DPYS: variants seen among roughly 807,000 people sequenced by gnomAD.
DPYS encodes dihydropyrimidinase, also known as dihydropyrimidine amidohydrolase.
Under a neutral mutation model 50.3 loss-of-function variants are expected in DPYS, and 39 were observed. The ratio of observed to expected loss-of-function variants is 0.78; its 90% confidence interval spans 0.60 to 1.01. The LOEUF (loss-of-function observed/expected upper bound fraction) is 1.01. Ranked by LOEUF, DPYS falls within the 50% of genes least tolerant of loss-of-function variation. The pLI, the probability that DPYS is intolerant of heterozygous loss-of-function variation, is 0.00. For synonymous variants in DPYS, 245 were observed against 250.7 expected, an observed-to-expected ratio of 0.98 and a Z score of 0.22; for missense variants, 659 against 680.9, an observed-to-expected ratio of 0.97 and a Z score of 0.36.
At chr8:104,382,533 T>C (rs76175689) in intron 8 of DPYS, among the ~76,000 whole-genome samples, 4,431 of 140,810 alleles carry the variant, frequency 0.031, 228 homozygotes, top group African/African-American at 0.11. Context: ...AGGTCCTTGG[T>C]CCCTGTTTTT....
intron 8 of DPYS, among the ~76,000 whole-genome samples, chr8:104,387,438 C>T (rs1225790177): frequency 3.9e-5 from 6 of 152,074 alleles, no homozygotes; most frequent in East Asian, 3.9e-4. Context: ...TTTGCCAGTC[C>T]GAGAGGAAGT....
At chr8:104,383,081 A>T (rs934231017) in intron 8 of DPYS, among the ~76,000 whole-genome samples, 11 of 151,972 alleles carry the variant, frequency 7.2e-5, no homozygotes, top group African/African-American at 2.7e-4. Flanking sequence ...TGTCCTCCTC[A>T]CTCAGAACAG....
chr8:104,385,321 A>G (rs1270916342), intron 8 of DPYS, among the ~76,000 whole-genome samples: 1 of 152,190 alleles, frequency 6.6e-6, no homozygotes, highest in Non-Finnish European at 1.5e-5. Flanking sequence ...TTTCTTGACT[A>G]TAGGACTTCT....
chr8:104,457,116 G>A (rs1192328723), intron 1 of DPYS, among the ~76,000 whole-genome samples: 2 of 152,126 alleles, frequency 1.3e-5, no homozygotes, highest in East Asian at 1.9e-4. Context: ...GAGACTAACA[G>A]CAATAACTAA....
intron 7 of DPYS, among the ~76,000 whole-genome samples, chr8:104,407,836 TAAAG>T (rs1369055265): frequency 1.3e-5 from 2 of 152,212 alleles, no homozygotes; most frequent in Non-Finnish European, 2.9e-5. Context: ...AATATTACCA[TAAAG>T]AAAGTTAGGT....
At chr8:104,381,889 CACAG>C (rs1229643882) in intron 8 of DPYS, among the ~76,000 whole-genome samples, 16 of 150,210 alleles carry the variant, frequency 1.1e-4, no homozygotes, top group African/African-American at 3.9e-4. Context: ...CACACATACA[CACAG>C]ACAAATAACA....
At chr8:104,413,111 G>A (rs13256669) in intron 7 of DPYS, among the ~76,000 whole-genome samples, 30,240 of 152,026 alleles carry the variant, frequency 0.2, 3,751 homozygotes, top group Non-Finnish European at 0.27. Flanking sequence ...TACAGTGTCT[G>A]AAATAGTGAA....
intron 3 of DPYS, among the ~76,000 whole-genome samples, chr8:104,445,869 C>A (rs550716045): frequency 2.6e-5 from 4 of 152,018 alleles, no homozygotes; most frequent in Non-Finnish European, 4.4e-5. Flanking sequence ...CACGGGGAAA[C>A]CCTGTCTCTA....
chr8:104,444,256 C>T lies in DPYS; in HGVS notation c.785G>A (p.Arg262Lys). ...KSAAKVIADA[R>K]RDGKVVYGEP... ...TTACATTCGAGAATTACCATCTCTC[C>T]TTGCATCCGCTATCACCTTAGCTGC... The change falls in exon 4 of 10, where the codon AGG (arginine) becomes AAG (lysine). Residue 262 changes from arginine (R) to lysine (K), a missense_variant. Arg to Lys is a conservative substitution (Grantham distance 26, BLOSUM62 2). Transcript: ENST00000351513. The T allele has an allele frequency of 6.2e-7, 1 of 1,614,208 alleles. No individual in the cohort carries two copies. The highest frequency in any genetic ancestry group is 1.3e-5 in the African/African-American group (1 of 75,062).
At position 104,393,903 on chromosome 8, in the gene DPYS, T is replaced by A. The variant is rs141339860; in HGVS notation, c.1236-912A>T. 2.4e-3 allele frequency among the ~76,000 whole-genome samples: 370 copies of A among 152,302 alleles called. 1 individual carries two copies. The highest frequency in any genetic ancestry group is 0.014 in the Middle Eastern group (4 of 294). On this transcript the variant is annotated intron_variant, in intron 7 of 9. Transcript: ENST00000351513. ...GATTTGTGAGATTTTGGTGCACCCA[T>A]CACCCAAACAGTGTACGCTGAACCC...
At chr8:104,462,550 GA>G (rs1207412245) in intron 1 of DPYS, among the ~76,000 whole-genome samples, 1 of 152,064 alleles carries the variant, frequency 6.6e-6, no homozygotes, top group Non-Finnish European at 1.5e-5. Flanking sequence ...AAGAAAAAAA[GA>G]AAAATGTGTT....
intron 7 of DPYS, chr8:104,419,425 A>C (rs547027976): frequency 1.3e-5 from 2 of 152,276 alleles, no homozygotes; most frequent in African/African-American, 4.8e-5. Flanking sequence ...AAAAATCGAG[A>C]GCATAACTCC....
intron 2 of DPYS, among the ~76,000 whole-genome samples, chr8:104,448,280 T>C (rs1280076508): frequency 6.6e-6 from 1 of 151,714 alleles, no homozygotes; most frequent in Non-Finnish European, 1.5e-5. Context: ...CTCAGCCTCC[T>C]GAGTAGCTGG....
At chr8:104,428,220 T>G in intron 5 of DPYS, 99 bp from the exon 6 acceptor site, 2 of 1,531,562 alleles carry the variant, frequency 1.3e-6, no homozygotes, top group Non-Finnish European at 1.8e-6. Context: ...CCCTTCTCAA[T>G]TGAAGTCAGA....
chr8:104,408,857 A>G (rs571444394), intron 7 of DPYS, among the ~76,000 whole-genome samples: 5 of 150,612 alleles, frequency 3.3e-5, no homozygotes, highest in African/African-American at 4.9e-5. Context: ...CTTGTTGCCC[A>G]GGCTGGAATA....
At chr8:104,401,200 TATACCTC>T (rs1811793095) in intron 7 of DPYS, among the ~76,000 whole-genome samples, 1 of 152,198 alleles carries the variant, frequency 6.6e-6, no homozygotes, top group South Asian at 2.1e-4. Context: ...TCTTTAAAAA[TATACCTC>T]ATCTCTCTAC....
intron 7 of DPYS, among the ~76,000 whole-genome samples, chr8:104,394,731 A>G (rs187613023): frequency 1.4e-4 from 21 of 151,396 alleles, no homozygotes; most frequent in Admixed American, 1.3e-3. Context: ...CCTAAGAGCC[A>G]AATAGCTGTA....
At chr8:104,418,941 C>A in intron 7 of DPYS, 2 of 928,858 alleles carry the variant, frequency 2.2e-6, no homozygotes, top group East Asian at 1.2e-4. Flanking sequence ...TGCGGCTTGC[C>A]GAGGTGCTCC....
In DPYS at chr8:104,379,886, A is replaced by G. The variant is rs1311584328; in HGVS notation, c.*15-43T>C. The G allele has an allele frequency of 1.1e-5, 5 of 455,516 alleles. No homozygotes were observed. The Admixed American group carries it at 1.2e-4, about 11-fold the overall frequency. The allele number at this position is 455,516 out of a possible 1,614,324, so 28.2% of individuals were successfully genotyped here. A position where few individuals can be genotyped will look rare whatever the true frequency, so the allele number is the denominator to read the frequency against. ...GGAACTCACTGTAACATTCTCCCTC[A>G]CAAAGAGATGCAGAATTCAAACCTA... is the stretch of plus-strand genomic sequence containing the variant. On this transcript the variant is annotated intron_variant, in intron 9 of 9. Transcript: ENST00000351513.
Sources: allele counts gnomAD v4.1 joint callset (sites outside exome capture counted in the v4.1 genomes callset), GRCh38; gene constraint gnomAD v4.1.1; transcripts MANE v1.5; gene names NCBI Gene and HGNC (gene_info 2026-07-23, HGNC 2026-07-21).